Variants in PPP3CC observed in about 807,000 individuals in gnomAD.
PPP3CC encodes the protein protein phosphatase 3 catalytic subunit gamma, also known as serine/threonine-protein phosphatase 2B catalytic subunit gamma isoform.
PPP3CC carries 35 observed loss-of-function variants against 60.3 expected under a neutral mutation model. That is an observed-to-expected ratio of 0.58 (90% CI 0.44 to 0.77). The LOEUF is 0.77. Among genes scored for constraint, PPP3CC ranks in the 30% least tolerant of loss-of-function variants. The pLI is 0.00. For missense variants in PPP3CC, 570 were observed against 628.9 expected (o/e 0.91, Z 1.00); for synonymous variants, 206 against 224.3 (o/e 0.92, Z 0.73).
At chr8:22,528,620 G>T in intron 10 of PPP3CC, 43 bp downstream of exon 10, 1 of 1,404,364 alleles carries the variant, frequency 7.1e-7, no homozygotes, top group Non-Finnish European at 9.6e-7. Flanking sequence ...AAGAGGTTTG[G>T]TTTTGGTTTT....
intron 8 of PPP3CC, among the ~76,000 whole-genome samples, chr8:22,524,151 C>A (rs901303924): frequency 6.6e-6 from 1 of 152,038 alleles, no homozygotes; most frequent in Non-Finnish European, 1.5e-5. Context: ...GTTATTGTAC[C>A]TGATGTGATA....
intron 1 of PPP3CC, among the ~76,000 whole-genome samples, chr8:22,461,389 T>C (rs1837358435): frequency 6.6e-6 from 1 of 152,196 alleles, no homozygotes; most frequent in South Asian, 2.1e-4. Flanking sequence ...AACACTCTGA[T>C]TCCTGGGTAA....
At chr8:22,501,185 A>G (rs1838751991) in intron 4 of PPP3CC, among the ~76,000 whole-genome samples, 1 of 152,106 alleles carries the variant, frequency 6.6e-6, no homozygotes, top group Admixed American at 6.6e-5. Context: ...AACAACAAAG[A>G]TGTGAGGTAT....
rs1839077377 is a variant in PPP3CC at position 22,511,229 on chromosome 8, AAAGT to A, written c.630+5_630+8del. On this transcript the variant is annotated splice_donor_variant and coding_sequence_variant, in exon 5 of 14. Coordinates refer to ENST00000240139, the MANE Select transcript of PPP3CC (RefSeq NM_005605.5). LOFTEE classifies it high-confidence loss of function. The stretch of plus-strand genomic sequence containing the variant: ...AATTACTTCTTTAGATGACATTAGG[AAAGT>A]AAGTAATCTTTTATTATTCTCACAG... 1 of 1,609,742 alleles carries A rather than the reference AAAGT, an allele frequency of 6.2e-7. No individual in the cohort carries two copies. The highest frequency in any genetic ancestry group is 8.5e-7 in the Non-Finnish European group (1 of 1,176,826).
At chr8:22,471,155 C>T (rs1837709004) in intron 1 of PPP3CC, among the ~76,000 whole-genome samples, 1 of 152,130 alleles carries the variant, frequency 6.6e-6, no homozygotes, top group Non-Finnish European at 1.5e-5. Flanking sequence ...TTTCTCTTTA[C>T]ATCAGTTTGG....
chr8:22,483,479 T>C lies in PPP3CC; in HGVS notation c.372+7855T>C, dbSNP rs1838131128. Reference sequence around the variant, plus strand: ...TTTTTTGTATTTTTAGTAGAGACTGTGTTTCACAGTGTTAGCCAGGATGGT... The same window carrying C: ...TTTTTTGTATTTTTAGTAGAGACTGCGTTTCACAGTGTTAGCCAGGATGGT... On this transcript the variant is annotated intron_variant, in intron 3 of 13. Transcript: ENST00000240139. Among the ~76,000 whole-genome samples, 3 of 152,108 alleles carry C rather than the reference T, an allele frequency of 2.0e-5. No homozygotes were observed. In the South Asian group the frequency reaches 6.2e-4, roughly 31 times the overall value.
In PPP3CC at chr8:22,511,243, TTTA is replaced by T; in HGVS notation, c.630+18_630+20del. ...ATGACATTAGGAAAGTAAGTAATCT[TTTA>T]TTATTCTCACAGGGAATATTTTTAA... On this transcript the variant is annotated intron_variant, in intron 5 of 13. Transcript: ENST00000240139. 6.2e-7 allele frequency: 1 copy of T among 1,604,230 alleles called. No individual in the cohort carries two copies. The highest frequency in any genetic ancestry group is 1.1e-5 in the South Asian group (1 of 90,608).
intron 6 of PPP3CC, among the ~76,000 whole-genome samples, chr8:22,516,975 T>C (rs1839262080): frequency 6.6e-6 from 1 of 152,062 alleles, no homozygotes; most frequent in South Asian, 2.1e-4. Flanking sequence ...GAAACACATC[T>C]GAAACAAGGT....
intron 1 of PPP3CC, among the ~76,000 whole-genome samples, chr8:22,462,207 C>T (rs1212980437): frequency 1.3e-5 from 2 of 152,058 alleles, no homozygotes; most frequent in African/African-American, 4.8e-5. Context: ...CATGCCACTG[C>T]ACCCCAGCCT....
chr8:22,538,581 T>C (rs1320532682), intron 12 of PPP3CC, among the ~76,000 whole-genome samples: 1 of 152,236 alleles, frequency 6.6e-6, no homozygotes, highest in East Asian at 1.9e-4. Flanking sequence ...TTTTGGCAAA[T>C]TGGTACTGGA....
At chr8:22,488,879 C>T (rs1838300289) in intron 3 of PPP3CC, among the ~76,000 whole-genome samples, 1 of 152,078 alleles carries the variant, frequency 6.6e-6, no homozygotes, top group South Asian at 2.1e-4. Flanking sequence ...CTAGGGCAGT[C>T]CATGTATAGT....
rs1168333363 is a variant in PPP3CC, at chr8:22,475,072, A to G, written c.168A>G (p.Val56=). 1.2e-6 allele frequency: 2 copies of G among 1,613,700 alleles called. No homozygotes were observed. The highest frequency in any genetic ancestry group is 2.7e-5 in the African/African-American group (2 of 74,922). The change falls in exon 2 of 14, where the codon GTA becomes GTG. Residue 56 remains valine, a synonymous_variant. Coordinates refer to ENST00000240139, the MANE Select transcript of PPP3CC (RefSeq NM_005605.5). ...LVKEGRLEEE[V]ALKIINDGAA... ...AGGAAGGACGACTGGAAGAGGAAGTAGCCTTAAAGATAATCAATGATGGGG... is the reference window on the plus strand; with the variant it reads ...AGGAAGGACGACTGGAAGAGGAAGTGGCCTTAAAGATAATCAATGATGGGG...
intron 12 of PPP3CC, 74 bp from the exon 13 acceptor site, chr8:22,539,395 C>T: frequency 2.0e-6 from 3 of 1,527,810 alleles, no homozygotes; most frequent in Non-Finnish European, 2.7e-6. Flanking sequence ...GGCTGTGCTG[C>T]CATCAGTGCT....
chr8:22,483,276 T>A (rs193037129), intron 3 of PPP3CC, among the ~76,000 whole-genome samples: 197 of 152,280 alleles, frequency 1.3e-3, no homozygotes, highest in African/African-American at 4.4e-3. Context: ...ATTTTTTTAT[T>A]TTTCAATTTT....
chr8:22,482,744 G>C (rs139985782), intron 3 of PPP3CC, among the ~76,000 whole-genome samples: 13 of 152,132 alleles, frequency 8.5e-5, no homozygotes, highest in African/African-American at 3.1e-4. Context: ...AAATCAAACC[G>C]GATGAAAAGA....
intron 5 of PPP3CC, 102 bp downstream of exon 5, chr8:22,511,333 G>T: frequency 7.8e-7 from 1 of 1,284,128 alleles, no homozygotes; most frequent in Non-Finnish European, 1.1e-6. Flanking sequence ...TCTTTCACCC[G>T]GGCTGAAGTA....
chr8:22,540,940 A>G lies in PPP3CC; in HGVS notation c.*138A>G. The G allele has an allele frequency of 1.3e-6, 1 of 754,828 alleles. No homozygotes were observed. Among genetic ancestry groups the G allele is most frequent in the Non-Finnish European group, 1.9e-6 (1 of 523,794 alleles). 46.8% of individuals were successfully genotyped at this position (754,828 alleles called of 1,614,324 possible). A position where few individuals can be genotyped will look rare whatever the true frequency, so the allele number is the denominator to read the frequency against. The stretch of plus-strand genomic sequence containing the variant: ...ATAATTCAGTCTGCATTTATTCTGT[A>G]AAAAGGTGGCTGTTTTATAAATTCT... On this transcript the variant is annotated 3_prime_UTR_variant, in exon 14 of 14. Coordinates refer to ENST00000240139, the MANE Select transcript of PPP3CC (RefSeq NM_005605.5).
intron 3 of PPP3CC, among the ~76,000 whole-genome samples, chr8:22,485,646 AG>A (rs1172257884): frequency 6.6e-6 from 1 of 152,242 alleles, no homozygotes; most frequent in African/African-American, 2.4e-5. Context: ...GAGATGAGTC[AG>A]CCTTAGACTC....
intron 4 of PPP3CC, chr8:22,510,785 T>C: frequency 3.6e-6 from 1 of 274,110 alleles, no homozygotes; most frequent in Non-Finnish European, 7.0e-6. Flanking sequence ...TCCCACCAGG[T>C]AACTGGGTAA....
Sources: allele counts gnomAD v4.1 joint callset (sites outside exome capture counted in the v4.1 genomes callset), GRCh38; gene constraint gnomAD v4.1.1; transcripts MANE v1.5; gene names NCBI Gene and HGNC (gene_info 2026-07-23, HGNC 2026-07-21).